The following SPDYE10 variants were observed in gnomAD, a reference collection of about 807,000 sequenced individuals.
SPDYE10 encodes speedy protein E10.
the SPDYE10 span, among the ~76,000 whole-genome samples, chr7:73,127,217 C>T: frequency 6.5e-5 from 4 of 61,322 alleles, no homozygotes; most frequent in Non-Finnish European, 1.2e-4. Flanking sequence ...GCTGGGACTA[C>T]AGGCCTGAGC....
At chr7:73,114,202 A>G in the SPDYE10 span, among the ~76,000 whole-genome samples, 3 of 136,958 alleles carry the variant, frequency 2.2e-5, no homozygotes, top group African/African-American at 8.0e-5. Context: ...AAAGAAAGAA[A>G]AAGAAAAAAA....
the SPDYE10 span, among the ~76,000 whole-genome samples, chr7:73,131,830 T>C: frequency 6.6e-6 from 1 of 151,766 alleles, no homozygotes; most frequent in Non-Finnish European, 1.5e-5. Flanking sequence ...CCACCACACC[T>C]AGCCTTACGC....
the SPDYE10 span, among the ~76,000 whole-genome samples, chr7:73,139,600 C>T: frequency 6.7e-6 from 1 of 149,468 alleles, no homozygotes; most frequent in Admixed American, 6.7e-5. Context: ...AGATTACAGG[C>T]ATGAGCCACC....
At chr7:73,123,792 T>C in the SPDYE10 span, among the ~76,000 whole-genome samples, 10 of 131,146 alleles carry the variant, frequency 7.6e-5, no homozygotes, top group East Asian at 2.4e-4. Flanking sequence ...TCTCTCCCTC[T>C]CTCTCTCTCT....
chr7:73,115,090 T>G, the SPDYE10 span, among the ~76,000 whole-genome samples: 79 of 151,684 alleles, frequency 5.2e-4, no homozygotes, highest in African/African-American at 1.8e-3. Context: ...GAGATGGGGT[T>G]TCACCATGTT....
the SPDYE10 span, among the ~76,000 whole-genome samples, chr7:73,126,506 C>CAAAAAA: frequency 6.3e-5 from 3 of 47,900 alleles, no homozygotes; most frequent in African/African-American, 2.8e-4. Context: ...GACTCCATCT[C>CAAAAAA]AAAAAAAAAA....
chr7:73,115,352 C>A, the SPDYE10 span, among the ~76,000 whole-genome samples: 2 of 152,072 alleles, frequency 1.3e-5, no homozygotes, highest in South Asian at 4.1e-4. Flanking sequence ...GTACAGAATC[C>A]TCACACTACT....
At chr7:73,139,729 T>A in the SPDYE10 span, among the ~76,000 whole-genome samples, 1 of 143,358 alleles carries the variant, frequency 7.0e-6, no homozygotes, top group East Asian at 2.0e-4. Context: ...CGATCTCGGC[T>A]CACTGCAAGC....
At chr7:73,114,566 T>C in the SPDYE10 span, among the ~76,000 whole-genome samples, 3 of 138,586 alleles carry the variant, frequency 2.2e-5, no homozygotes, top group Admixed American at 8.2e-5. Context: ...AAACAGAGTC[T>C]CACTCTGTCA....
At chr7:73,137,593 TGAAAGAAAGAAAGAAAGAAA>T in the SPDYE10 span, among the ~76,000 whole-genome samples, 119 of 70,538 alleles carry the variant, frequency 1.7e-3, no homozygotes, top group African/African-American at 6.3e-3. Flanking sequence ...AAAGAAGAGA[TGAAAGAAAGAAAGAAAGAAA>T]GAAAGAAAGA....
At chr7:73,114,379 G>A in the SPDYE10 span, among the ~76,000 whole-genome samples, 2 of 143,686 alleles carry the variant, frequency 1.4e-5, no homozygotes, top group African/African-American at 2.5e-5. Context: ...TCCATTGCTG[G>A]TGCTGGGGTT....
chr7:73,135,412 A>T, the SPDYE10 span, among the ~76,000 whole-genome samples: 7 of 147,592 alleles, frequency 4.7e-5, no homozygotes, highest in Non-Finnish European at 9.0e-5. Flanking sequence ...CCACGCATTC[A>T]TTCATTCATT....
the SPDYE10 span, among the ~76,000 whole-genome samples, chr7:73,141,070 CCACACACACACACACACACACACA>C: frequency 2.9e-4 from 39 of 136,106 alleles, no homozygotes; most frequent in Non-Finnish European, 3.8e-4. Flanking sequence ...TCCATTTCTA[CCACACACACACACACACACACACA>C]CACACACACA....
chr7:73,129,977 T>TGG, the SPDYE10 span, among the ~76,000 whole-genome samples: 1 of 146,136 alleles, frequency 6.8e-6, no homozygotes, highest in African/African-American at 2.6e-5. Flanking sequence ...CCCAAGTAGC[T>TGG]GGGACTACAG....
the SPDYE10 span, among the ~76,000 whole-genome samples, chr7:73,111,392 T>G: frequency 1.4e-5 from 2 of 146,844 alleles, no homozygotes; most frequent in Non-Finnish European, 3.0e-5. Context: ...TCCCTCTTTT[T>G]TTTTTTTTTT....
At chr7:73,149,541 C>G in the SPDYE10 span, among the ~76,000 whole-genome samples, 8 of 152,012 alleles carry the variant, frequency 5.3e-5, no homozygotes, top group African/African-American at 1.9e-4. Context: ...CCTGCCTTGG[C>G]CTCCCAAAGT....
chr7:73,124,506 G>C, the SPDYE10 span, among the ~76,000 whole-genome samples: 2 of 151,914 alleles, frequency 1.3e-5, no homozygotes, highest in South Asian at 2.1e-4. Flanking sequence ...TGAGGTAGAA[G>C]CATAGTATTC....
the SPDYE10 span, among the ~76,000 whole-genome samples, chr7:73,134,537 A>AAAAGAAAGAAAGAAAGAAAG: frequency 7.2e-6 from 1 of 139,528 alleles, no homozygotes; most frequent in African/African-American, 2.9e-5. Flanking sequence ...GAAAGAAAGA[A>AAAAGAAAGAAAGAAAGAAAG]AAAGAAAGAA....
chr7:73,149,841 CT>C, the SPDYE10 span, among the ~76,000 whole-genome samples: 1 of 114,062 alleles, frequency 8.8e-6, no homozygotes, highest in Non-Finnish European at 1.8e-5. Context: ...GGGCAGCATT[CT>C]TTCCGAGAGG....
Sources: gnomAD v4.1 joint callset for allele counts (sites outside exome capture counted in the v4.1 genomes callset) on GRCh38, gnomAD v4.1.1 for gene constraint, MANE v1.5 for transcripts, NCBI Gene and HGNC (gene_info 2026-07-23, HGNC 2026-07-21) for gene names.